DEPDC1B: variants seen among roughly 807,000 people sequenced by gnomAD.
DEPDC1B encodes the protein DEP domain-containing protein 1B.
Under a neutral mutation model 66.5 loss-of-function variants are expected in DEPDC1B, and 51 were observed. The observed-to-expected ratio is 0.77, with a 90% CI of 0.61 to 0.97. The LOEUF is 0.97. DEPDC1B is among the 50% of genes least tolerant of loss of function. The pLI is 0.00. For synonymous variants in DEPDC1B, 226 were observed against 223.6 expected (o/e 1.01, Z -0.10); for missense variants, 552 against 637.1 (o/e 0.87, Z 1.44).
In DEPDC1B at chr5:60,612,482, A is replaced by G. The variant is rs914085945; in HGVS notation, c.899-6626T>C. Reference sequence around the variant, plus strand: ...ATTCTACCTGTGTTCCAGAAATGACAACACATGGTTTAGTGAAGATTTTAA... The same window carrying G: ...ATTCTACCTGTGTTCCAGAAATGACGACACATGGTTTAGTGAAGATTTTAA... On this transcript the variant is annotated intron_variant, in intron 7 of 10. Transcript: ENST00000265036. Among the ~76,000 whole-genome samples the G allele has an allele frequency of 7.2e-4, 109 of 150,496 alleles. 1 individual carries two copies. The highest frequency in any genetic ancestry group is 1.5e-4 in the Non-Finnish European group (10 of 67,720).
chr5:60,599,738 C>A (rs1752164993), intron 9 of DEPDC1B, among the ~76,000 whole-genome samples: 1 of 152,242 alleles, frequency 6.6e-6, no homozygotes, highest in Non-Finnish European at 1.5e-5. Context: ...CATGTTCATG[C>A]TGCAGATAAC....
intron 7 of DEPDC1B, among the ~76,000 whole-genome samples, chr5:60,635,281 A>C (rs1753020091): frequency 6.6e-6 from 1 of 152,224 alleles, no homozygotes; most frequent in Admixed American, 6.5e-5. Context: ...ACATAAGGGC[A>C]GAGAGGTAAT....
chr5:60,651,713 T>C (rs1223600195), intron 2 of DEPDC1B, among the ~76,000 whole-genome samples: 1 of 151,840 alleles, frequency 6.6e-6, no homozygotes, highest in Non-Finnish European at 1.5e-5. Context: ...TTAATAGAGG[T>C]TGAAAGAACA....
chr5:60,687,145 A>T lies in DEPDC1B; in HGVS notation c.131T>A (p.Phe44Tyr). 1 of 1,614,242 alleles carries T rather than the reference A, an allele frequency of 6.2e-7. No individual in the cohort carries two copies. The highest frequency in any genetic ancestry group is 1.7e-5 in the Admixed American group (1 of 60,024). ...RCRFKSYEHC[F>Y]TAAEAVDWLH... ...CCAATCCACAGCTTCGGCCGCTGTG[A>T]AACAATGCTCATAGCTCTTGAAACG... Residue 44 changes from phenylalanine to tyrosine, a missense_variant, in exon 2 of 11, where the codon TTC becomes TAC. Physicochemically the swap from Phe to Tyr is conservative, Grantham distance 22. Coordinates refer to ENST00000265036, the MANE Select transcript of DEPDC1B (RefSeq NM_018369.3).
Position 60,597,532 on chromosome 5 carries a change from A to C in DEPDC1B, c.*221T>G, listed in dbSNP as rs1160297024. The C allele has an allele frequency of 2.2e-6, 1 of 455,974 alleles. No homozygotes were observed. Among genetic ancestry groups the C allele is most frequent in the Non-Finnish European group, 3.8e-6 (1 of 261,792 alleles). 28.2% of individuals were successfully genotyped at this position (455,974 alleles called of 1,614,324 possible). ...TGTTAACATTATCACTATATATTTG[A>C]CTCATAAATTTTAACCAATTTATAC... On this transcript the variant is annotated 3_prime_UTR_variant, in exon 11 of 11. Coordinates refer to ENST00000265036, the MANE Select transcript of DEPDC1B (RefSeq NM_018369.3).
chr5:60,687,060 C>A lies in DEPDC1B; in HGVS notation c.216G>T (p.Thr72=). ...NFGPEVTRKQ[T]VQLLKKFLKN... ...TCAGGAATTTTTTTAGCAGCTGGACCGTTTGTTTGCGGGTCACTTCAGGGC... is the reference window on the plus strand; with the variant it reads ...TCAGGAATTTTTTTAGCAGCTGGACAGTTTGTTTGCGGGTCACTTCAGGGC... The change falls in exon 2 of 11, where the codon ACG becomes ACT. Residue 72 remains threonine (T), a synonymous_variant. Coordinates refer to ENST00000265036, the MANE Select transcript of DEPDC1B (RefSeq NM_018369.3). 6.2e-7 allele frequency: 1 copy of A among 1,614,170 alleles called. No individual in the cohort carries two copies. Among genetic ancestry groups the A allele is most frequent in the Non-Finnish European group, 8.5e-7 (1 of 1,180,032 alleles).
At chr5:60,696,459 C>A (rs1032597087) in intron 1 of DEPDC1B, among the ~76,000 whole-genome samples, 1 of 152,178 alleles carries the variant, frequency 6.6e-6, no homozygotes, top group Admixed American at 6.5e-5. Flanking sequence ...ACTTTGGTCT[C>A]TGTTCCCACT....
intron 2 of DEPDC1B, among the ~76,000 whole-genome samples, chr5:60,673,186 C>T (rs1389702810): frequency 6.6e-6 from 1 of 152,176 alleles, no homozygotes; most frequent in Non-Finnish European, 1.5e-5. Flanking sequence ...TCAAGTGTCA[C>T]CTCTACAGCA....
At chr5:60,614,138 T>C (rs1752483255) in intron 7 of DEPDC1B, among the ~76,000 whole-genome samples, 1 of 152,194 alleles carries the variant, frequency 6.6e-6, no homozygotes, top group African/African-American at 2.4e-5. Context: ...CTTGTTTGTT[T>C]AAACTCCACC....
chr5:60,631,848 A>G (rs1202859213), intron 7 of DEPDC1B, among the ~76,000 whole-genome samples: 4 of 152,358 alleles, frequency 2.6e-5, no homozygotes, highest in South Asian at 2.1e-4. Context: ...TCCACAGAAC[A>G]GAAAACTGGT....
At chr5:60,665,637 G>A (rs1677375063) in intron 2 of DEPDC1B, among the ~76,000 whole-genome samples, 1 of 152,170 alleles carries the variant, frequency 6.6e-6, no homozygotes, top group South Asian at 2.1e-4. Context: ...GCAGGAAGCA[G>A]TTAAGAGTGG....
At chr5:60,639,959 AG>A (rs1584054506) in intron 6 of DEPDC1B, among the ~76,000 whole-genome samples, 1 of 152,344 alleles carries the variant, frequency 6.6e-6, no homozygotes, top group East Asian at 1.9e-4. Flanking sequence ...TTCTTCCTAC[AG>A]AATCTCTATA....
At chr5:60,634,438 C>T (rs1050573407) in intron 7 of DEPDC1B, among the ~76,000 whole-genome samples, 19 of 151,920 alleles carry the variant, frequency 1.3e-4, no homozygotes, top group Non-Finnish European at 2.2e-4. Context: ...TTTGGGAGGC[C>T]GAGGCGGGCG....
intron 2 of DEPDC1B, among the ~76,000 whole-genome samples, chr5:60,666,074 C>G (rs867799270): frequency 2.6e-5 from 4 of 152,170 alleles, no homozygotes; most frequent in Non-Finnish European, 5.9e-5. Context: ...AGCTTTCGCT[C>G]GCCGTCCACC....
At chr5:60,620,782 A>G (rs569616279) in intron 7 of DEPDC1B, among the ~76,000 whole-genome samples, 6 of 152,334 alleles carry the variant, frequency 3.9e-5, no homozygotes, top group African/African-American at 1.4e-4. Context: ...CAGCCATCCC[A>G]TTACTGGGTA....
chr5:60,664,893 G>A (rs1753803284), intron 2 of DEPDC1B, among the ~76,000 whole-genome samples: 1 of 152,046 alleles, frequency 6.6e-6, no homozygotes, highest in Non-Finnish European at 1.5e-5. Flanking sequence ...ACTTCCAAGG[G>A]AACACCTATC....
chr5:60,630,717 G>C (rs879045459), intron 7 of DEPDC1B: 1 of 152,536 alleles, frequency 6.6e-6, no homozygotes, highest in Admixed American at 6.5e-5. Flanking sequence ...TAGCACTTAG[G>C]AGCTGATCCA....
At chr5:60,660,301 G>A (rs980384766) in intron 2 of DEPDC1B, among the ~76,000 whole-genome samples, 3 of 132,668 alleles carry the variant, frequency 2.3e-5, no homozygotes, top group East Asian at 2.6e-4. Flanking sequence ...GAAAGAGACA[G>A]GAGAGAGAGA....
chr5:60,639,206 A>G (rs1384788428), intron 6 of DEPDC1B, among the ~76,000 whole-genome samples: 2 of 152,212 alleles, frequency 1.3e-5, no homozygotes, highest in African/African-American at 4.8e-5. Flanking sequence ...TCTGAAAGGC[A>G]TTTTTATTAA....
Sources: gnomAD v4.1 joint callset for allele counts (sites outside exome capture counted in the v4.1 genomes callset) on GRCh38, gnomAD v4.1.1 for gene constraint, MANE v1.5 for transcripts, NCBI Gene and HGNC (gene_info 2026-07-23, HGNC 2026-07-21) for gene names.